The following CPVL variants were observed in gnomAD, a reference collection of about 807,000 sequenced individuals.
The protein encoded by CPVL is probable serine carboxypeptidase CPVL.
In CPVL, 51 loss-of-function variants were observed where a neutral mutation model predicts 63.7. The observed-to-expected ratio is 0.80, with a 90% confidence interval of 0.64 to 1.01. CPVL has a LOEUF of 1.01. CPVL is among the 50% of genes least tolerant of loss of function. The pLI, the probability that CPVL is intolerant of heterozygous loss-of-function variation, is 0.00. For synonymous variants in CPVL, 195 were observed against 206.0 expected (o/e 0.95, Z 0.46); for missense variants, 530 against 573.1 (o/e 0.92, Z 0.77).
At chr7:29,027,337 T>C (rs7801371) in intron 12 of CPVL, among the ~76,000 whole-genome samples, 13,604 of 151,934 alleles carry the variant, frequency 0.09, 1,823 homozygotes, top group African/African-American at 0.29. Context: ...GAACATACCA[T>C]AACGTAATAA....
chr7:29,076,285 T>C (rs1784239505), intron 7 of CPVL, among the ~76,000 whole-genome samples: 1 of 152,172 alleles, frequency 6.6e-6, no homozygotes, highest in Non-Finnish European at 1.5e-5. Context: ...GAACTCTTGG[T>C]CCCGTGGCTT....
At chr7:29,035,122 A>G (rs1788401803) in intron 11 of CPVL, among the ~76,000 whole-genome samples, 1 of 152,192 alleles carries the variant, frequency 6.6e-6, no homozygotes, top group African/African-American at 2.4e-5. Context: ...AAAGGCAGAG[A>G]TGAGAAAAGC....
At chr7:29,177,018 A>C (rs1797435393) in intron 5 of CPVL, among the ~76,000 whole-genome samples, 1 of 152,044 alleles carries the variant, frequency 6.6e-6, no homozygotes, top group Admixed American at 6.5e-5. Context: ...AAAAGAAAGC[A>C]AGAAAGAGAG....
chr7:29,135,080 G>A (rs1791060499), intron 1 of CPVL, among the ~76,000 whole-genome samples: 1 of 137,522 alleles, frequency 7.3e-6, no homozygotes, highest in African/African-American at 2.8e-5. Flanking sequence ...CTCCAGCCTA[G>A]ATGACAGAGA....
chr7:29,106,702 C>T (rs1308954269), intron 3 of CPVL, among the ~76,000 whole-genome samples: 1 of 152,036 alleles, frequency 6.6e-6, no homozygotes, highest in Non-Finnish European at 1.5e-5. Flanking sequence ...AAAAGTAGCT[C>T]GCATAGTAAT....
chr7:29,119,558 C>A (rs1038705278), intron 2 of CPVL, among the ~76,000 whole-genome samples: 8 of 151,424 alleles, frequency 5.3e-5, no homozygotes, highest in African/African-American at 1.9e-4. Context: ...CTAAGTGATA[C>A]CTTTTTTCCT....
chr7:29,104,772 G>C (rs1023870701), intron 3 of CPVL, among the ~76,000 whole-genome samples: 1 of 152,164 alleles, frequency 6.6e-6, no homozygotes, highest in African/African-American at 2.4e-5. Context: ...TACTTTATAA[G>C]GAATAGGGAA....
chr7:29,070,349 GGCCTCTCAA>G (rs1360675950), intron 9 of CPVL, among the ~76,000 whole-genome samples: 1 of 151,944 alleles, frequency 6.6e-6, no homozygotes, highest in Non-Finnish European at 1.5e-5. Context: ...TCTAAATATG[GGCCTCTCAA>G]ATGCTCTTGC....
chr7:29,033,958 C>CT (rs1184148303), intron 11 of CPVL, among the ~76,000 whole-genome samples: 1 of 152,156 alleles, frequency 6.6e-6, no homozygotes, highest in Non-Finnish European at 1.5e-5. Flanking sequence ...TGTTTGTACT[C>CT]TAATTATCAC....
intron 5 of CPVL, among the ~76,000 whole-genome samples, chr7:29,156,841 T>A (rs891776403): frequency 2.0e-5 from 3 of 152,146 alleles, no homozygotes; most frequent in African/African-American, 7.2e-5. Flanking sequence ...ATTATGCACC[T>A]GGAGATCTAT....
At chr7:29,181,464 T>C (rs1324870197) in intron 4 of CPVL, 1 of 152,194 alleles carries the variant, frequency 6.6e-6, no homozygotes, top group Non-Finnish European at 1.5e-5. Flanking sequence ...AGGAAGTTTG[T>C]CCAAGAGTAA....
chr7:29,137,765 A>G (rs193239761), intron 1 of CPVL, among the ~76,000 whole-genome samples: 6 of 152,306 alleles, frequency 3.9e-5, no homozygotes, highest in Non-Finnish European at 8.8e-5. Flanking sequence ...CTATATCACT[A>G]TTTTGGGAGG....
At chr7:29,108,532 C>T (rs566834939) in intron 3 of CPVL, among the ~76,000 whole-genome samples, 6 of 152,232 alleles carry the variant, frequency 3.9e-5, no homozygotes, top group Non-Finnish European at 8.8e-5. Flanking sequence ...CCTCTATTTG[C>T]TGTCATCTGT....
At chr7:29,125,262 T>C (rs1222524709) in intron 1 of CPVL, among the ~76,000 whole-genome samples, 7 of 152,118 alleles carry the variant, frequency 4.6e-5, no homozygotes, top group Non-Finnish European at 8.8e-5. Context: ...TGTGGTCCAG[T>C]TCCTTCATCT....
intron 1 of CPVL, among the ~76,000 whole-genome samples, chr7:29,130,443 A>G (rs1790566840): frequency 6.6e-6 from 1 of 152,240 alleles, no homozygotes. Context: ...TTTTATAAGG[A>G]AAAACATTTG....
intron 2 of CPVL, among the ~76,000 whole-genome samples, chr7:29,114,344 T>C (rs1298429056): frequency 6.6e-6 from 1 of 152,164 alleles, no homozygotes; most frequent in Non-Finnish European, 1.5e-5. Flanking sequence ...TTAAGTGACT[T>C]GCCAGCTAGT....
At chr7:29,047,372 A>G (rs1789725366) in intron 11 of CPVL, among the ~76,000 whole-genome samples, 1 of 152,224 alleles carries the variant, frequency 6.6e-6, no homozygotes, top group Non-Finnish European at 1.5e-5. Context: ...CATTGGACAC[A>G]CTTATAGAAA....
chr7:29,080,915 G>C (rs1424236905), intron 7 of CPVL, among the ~76,000 whole-genome samples: 4 of 152,206 alleles, frequency 2.6e-5, no homozygotes, highest in South Asian at 2.1e-4. Flanking sequence ...TTTATAAAGA[G>C]AGTCTGCCCG....
intron 6 of CPVL, among the ~76,000 whole-genome samples, chr7:29,090,494 A>G (rs887773483): frequency 1.3e-5 from 2 of 152,224 alleles, no homozygotes; most frequent in African/African-American, 2.4e-5. Context: ...CTATAGCAGC[A>G]CTTCCATTTG....
Sources: gnomAD v4.1 joint callset for allele counts (sites outside exome capture counted in the v4.1 genomes callset) on GRCh38, gnomAD v4.1.1 for gene constraint, MANE v1.5 for transcripts, NCBI Gene and HGNC (gene_info 2026-07-23, HGNC 2026-07-21) for gene names.